ARHGEF28: variants seen among roughly 807,000 people sequenced by gnomAD.
ARHGEF28 encodes the protein 190 kDa guanine nucleotide exchange factor.
A neutral mutation model predicts 206.6 loss-of-function variants in ARHGEF28; 152 were observed. The ratio of observed to expected loss-of-function variants is 0.74; its 90% CI spans 0.64 to 0.84. The LOEUF (loss-of-function observed/expected upper bound fraction) is 0.84. ARHGEF28 is among the 40% of genes least tolerant of loss of function. ARHGEF28 has a pLI of 0.00. For synonymous variants in ARHGEF28, 763 were observed against 776.4 expected, an observed-to-expected ratio of 0.98 and a Z score of 0.29; for missense variants, 2,028 against 2,073.2, an observed-to-expected ratio of 0.98 and a Z score of 0.42.
At chr5:73,708,959 T>C (rs973021040) in intron 2 of ARHGEF28, among the ~76,000 whole-genome samples, 2 of 152,212 alleles carry the variant, frequency 1.3e-5, no homozygotes, top group African/African-American at 2.4e-5. Flanking sequence ...TTGAGCTTTT[T>C]TTCATGCCTT....
chr5:73,896,651 A>G (rs1159343502), intron 29 of ARHGEF28, among the ~76,000 whole-genome samples: 1 of 152,240 alleles, frequency 6.6e-6, no homozygotes, highest in Admixed American at 6.5e-5. Flanking sequence ...GGCAAGATAT[A>G]TTTTAGAAAT....
In ARHGEF28 at chr5:73,685,652, C is replaced by A. The variant is rs368601020; in HGVS notation, c.33+768C>A. Among the ~76,000 whole-genome samples, 19 of 152,114 alleles carry A rather than the reference C, an allele frequency of 1.2e-4. No homozygotes were observed. In the East Asian group the frequency reaches 3.7e-3, roughly 29 times the overall value. On this transcript the variant is annotated intron_variant, in intron 2 of 35. Transcript: ENST00000513042. ...TTATTTATTTATTTTGAGATGGAGTCTTACTCTGTCACCAGGCTGGAGGGC... is the reference window on the plus strand; with the variant it reads ...TTATTTATTTATTTTGAGATGGAGTATTACTCTGTCACCAGGCTGGAGGGC...
intron 2 of ARHGEF28, among the ~76,000 whole-genome samples, chr5:73,730,615 C>T (rs1262336443): frequency 2.0e-5 from 3 of 149,642 alleles, no homozygotes; most frequent in Non-Finnish European, 1.5e-5. Flanking sequence ...CTCGCTGCAG[C>T]CTCAGCCTTC....
chr5:73,836,907 T>G (rs1466549642), intron 10 of ARHGEF28, among the ~76,000 whole-genome samples: 1 of 152,044 alleles, frequency 6.6e-6, no homozygotes, highest in East Asian at 1.9e-4. Context: ...GTATCATTAT[T>G]GAAGGATCTG....
chr5:73,854,789 G>C lies in ARHGEF28; in HGVS notation c.1790+2097G>C, dbSNP rs573624221. On this transcript the variant is annotated intron_variant, in intron 14 of 35. Coordinates refer to ENST00000513042, the MANE Select transcript of ARHGEF28 (RefSeq NM_001177693.2). ...GGAGGTTGCAATGAGCCGAGATCGT[G>C]CCACAGCATCCTAGTCTGGGCGACA... is the stretch of plus-strand genomic sequence containing the variant. 2.6e-4 allele frequency among the ~76,000 whole-genome samples: 40 copies of C among 151,882 alleles called. No individual in the cohort carries two copies. The East Asian group carries it at 7.7e-3, about 29-fold the overall frequency.
intron 1 of ARHGEF28, among the ~76,000 whole-genome samples, chr5:73,675,543 G>A (rs950816961): frequency 2.0e-5 from 3 of 151,828 alleles, no homozygotes; most frequent in Non-Finnish European, 4.4e-5. Context: ...CCAACCTGGC[G>A]AACACTGTGA....
At position 73,886,061 on chromosome 5, in the gene ARHGEF28, T is replaced by C. The variant is rs370272387; in HGVS notation, c.3267T>C (p.Tyr1089=). ...TGAGTGAAGAAAGGACTCTGTTATA[T>C]GATGGCCTTGTTTACTGGAAAACTG... ...ALMSEERTLL[Y]DGLVYWKTAT... The change falls in exon 25 of 36, where the codon TAT becomes TAC. Residue 1089 remains tyrosine, a synonymous_variant. Transcript: ENST00000513042. The C allele has an allele frequency of 9.9e-6, 16 of 1,613,624 alleles. No individual in the cohort carries two copies. Among genetic ancestry groups the C allele is most frequent in the South Asian group, 3.3e-5 (3 of 90,968 alleles).
chr5:73,629,498 ACT>A (rs1743225854), intron 1 of ARHGEF28, among the ~76,000 whole-genome samples: 1 of 117,720 alleles, frequency 8.5e-6, no homozygotes. Flanking sequence ...ACAGAAAAAG[ACT>A]CTGTCTCAAA....
chr5:73,713,010 A>G (rs1352189371), intron 2 of ARHGEF28, among the ~76,000 whole-genome samples: 1 of 152,204 alleles, frequency 6.6e-6, no homozygotes, highest in African/African-American at 2.4e-5. Flanking sequence ...AAATGTAATT[A>G]TATTTTCTTT....
intron 21 of ARHGEF28, among the ~76,000 whole-genome samples, chr5:73,870,822 T>C (rs1419705185): frequency 2.0e-5 from 3 of 152,180 alleles, no homozygotes; most frequent in Non-Finnish European, 4.4e-5. Flanking sequence ...TTGGAAAAAA[T>C]GAAACTTCAA....
chr5:73,670,272 A>G (rs563720739), intron 1 of ARHGEF28, among the ~76,000 whole-genome samples: 3 of 152,318 alleles, frequency 2.0e-5, no homozygotes, highest in East Asian at 1.9e-4. Context: ...ATTGGCTTTT[A>G]TCGCTCAGCA....
intron 2 of ARHGEF28, among the ~76,000 whole-genome samples, chr5:73,697,511 C>A (rs56979215): frequency 6.6e-6 from 1 of 152,096 alleles, no homozygotes; most frequent in Non-Finnish European, 1.5e-5. Context: ...TCTGAAGAGT[C>A]CTGAGATGGC....
intron 9 of ARHGEF28, among the ~76,000 whole-genome samples, chr5:73,814,643 G>A (rs939119129): frequency 5.3e-5 from 8 of 151,978 alleles, no homozygotes; most frequent in South Asian, 2.1e-4. Context: ...GTTTCTAAGC[G>A]GGTTGCCTCT....
intron 2 of ARHGEF28, among the ~76,000 whole-genome samples, chr5:73,715,683 C>T (rs1432574644): frequency 6.6e-6 from 1 of 152,188 alleles, no homozygotes; most frequent in Admixed American, 6.5e-5. Flanking sequence ...TAGCTCATAG[C>T]ACATCCAAAG....
At chr5:73,783,392 G>GTA (rs1753966866) in intron 7 of ARHGEF28, among the ~76,000 whole-genome samples, 1 of 149,246 alleles carries the variant, frequency 6.7e-6, no homozygotes, top group Admixed American at 6.8e-5. Flanking sequence ...GTGTATGTGT[G>GTA]TGTGTGCGCG....
At chr5:73,916,695 T>C (rs282409) in intron 35 of ARHGEF28, among the ~76,000 whole-genome samples, 13,671 of 152,180 alleles carry the variant, frequency 0.09, 661 homozygotes, top group South Asian at 0.2. Flanking sequence ...GTTAGGACCT[T>C]AACATGTGAA....
intron 1 of ARHGEF28, among the ~76,000 whole-genome samples, chr5:73,681,063 G>A (rs2112240252): frequency 6.9e-6 from 1 of 145,114 alleles, no homozygotes; most frequent in South Asian, 2.2e-4. Context: ...TTTTTTTTTA[G>A]CTTCCACATT....
chr5:73,673,043 T>A (rs147614738), intron 1 of ARHGEF28, among the ~76,000 whole-genome samples: 753 of 152,328 alleles, frequency 4.9e-3, no homozygotes, highest in Non-Finnish European at 7.4e-3. Flanking sequence ...ACCAAATAAT[T>A]CAACCCTTTC....
intron 14 of ARHGEF28, among the ~76,000 whole-genome samples, chr5:73,854,071 T>C (rs941391009): frequency 6.6e-6 from 1 of 152,140 alleles, no homozygotes; most frequent in Non-Finnish European, 1.5e-5. Context: ...TCTTTCTTGG[T>C]CCACATCCTG....
Sources: gnomAD v4.1 joint callset for allele counts (sites outside exome capture counted in the v4.1 genomes callset) on GRCh38, gnomAD v4.1.1 for gene constraint, MANE v1.5 for transcripts, NCBI Gene and HGNC (gene_info 2026-07-23, HGNC 2026-07-21) for gene names.